The following EXOC2 variants were observed in gnomAD, a reference collection of about 807,000 sequenced individuals.
The protein encoded by EXOC2 is SEC5-like 1.
Under a neutral mutation model 131.8 loss-of-function variants are expected in EXOC2, and 70 were observed. That is an observed-to-expected ratio of 0.53 (90% confidence interval 0.44 to 0.65). The LOEUF (loss-of-function observed/expected upper bound fraction) is 0.65, where lower values mean the gene tolerates loss of function less well. Ranked by LOEUF, EXOC2 falls within the 30% of genes least tolerant of loss-of-function variation. The pLI is 0.00. For synonymous variants in EXOC2, 411 were observed against 398.4 expected (o/e 1.03, Z -0.38); for missense variants, 923 against 1,108.6 (o/e 0.83, Z 2.38).
chr6:553,747 C>A, intron 21 of EXOC2, 107 bp downstream of exon 21: 1 of 853,162 alleles, frequency 1.2e-6, no homozygotes, highest in Non-Finnish European at 2.0e-6. Flanking sequence ...GCACAGTGTC[C>A]TATACCACGT....
At chr6:652,350 T>C (rs1420883879) in intron 1 of EXOC2, among the ~76,000 whole-genome samples, 2 of 152,230 alleles carry the variant, frequency 1.3e-5, no homozygotes, top group Admixed American at 1.3e-4. Context: ...CCAATGTTTG[T>C]GTGTTCTTTC....
At chr6:629,788 T>C in intron 4 of EXOC2, 47 bp downstream of exon 4, 1 of 1,603,366 alleles carries the variant, frequency 6.2e-7, no homozygotes, top group East Asian at 2.2e-5. Context: ...TATAAAACTT[T>C]TCAGGAACTG....
chr6:612,128 G>A (rs374411445), intron 6 of EXOC2, among the ~76,000 whole-genome samples: 12 of 152,352 alleles, frequency 7.9e-5, no homozygotes, highest in African/African-American at 2.6e-4. Flanking sequence ...GTTAATGCTA[G>A]CCTGTGTGAG....
chr6:666,214 C>T (rs564431649), intron 1 of EXOC2, among the ~76,000 whole-genome samples: 9 of 152,218 alleles, frequency 5.9e-5, no homozygotes, highest in Non-Finnish European at 1.2e-4. Flanking sequence ...TTAGCTGTAA[C>T]TCCTTAATTT....
At chr6:540,512 A>G (rs1296550895) in intron 22 of EXOC2, among the ~76,000 whole-genome samples, 2 of 152,258 alleles carry the variant, frequency 1.3e-5, no homozygotes, top group Non-Finnish European at 2.9e-5. Flanking sequence ...GAGAAGAAAC[A>G]CAACTGAAAT....
At chr6:624,932 A>G (rs1272758591) in intron 4 of EXOC2, among the ~76,000 whole-genome samples, 1 of 152,216 alleles carries the variant, frequency 6.6e-6, no homozygotes, top group Non-Finnish European at 1.5e-5. Context: ...CTTCAAACCA[A>G]GCCTGCATTT....
At chr6:505,775 T>C (rs185040432) in intron 23 of EXOC2, among the ~76,000 whole-genome samples, 2 of 152,316 alleles carry the variant, frequency 1.3e-5, no homozygotes, top group East Asian at 3.9e-4. Context: ...CTTCTCATCA[T>C]AGCCTCAGCT....
chr6:681,146 C>T (rs1764386389), intron 1 of EXOC2, among the ~76,000 whole-genome samples: 1 of 152,204 alleles, frequency 6.6e-6, no homozygotes, highest in South Asian at 2.1e-4. Flanking sequence ...ACTGCCAAAA[C>T]CACTATAAAA....
chr6:564,962 T>C (rs1438662251), intron 13 of EXOC2, 33 bp from the exon 14 acceptor site: 1 of 1,517,584 alleles, frequency 6.6e-7, no homozygotes, highest in East Asian at 2.5e-5. Flanking sequence ...TAAAACATAT[T>C]AGAAATAATT....
intron 6 of EXOC2, among the ~76,000 whole-genome samples, chr6:616,618 A>AAAAAAC: frequency 6.6e-6 from 1 of 150,630 alleles, no homozygotes; most frequent in Non-Finnish European, 1.5e-5. Context: ...AAAAAAAAAA[A>AAAAAAC]AAAAACTAAC....
At chr6:625,355 A>G (rs556192345) in intron 4 of EXOC2, among the ~76,000 whole-genome samples, 3 of 152,348 alleles carry the variant, frequency 2.0e-5, no homozygotes, top group East Asian at 3.9e-4. Flanking sequence ...AAGAGAACAC[A>G]CTTTCTTGAT....
At chr6:538,456 C>T (rs1166162642) in intron 22 of EXOC2, among the ~76,000 whole-genome samples, 1 of 152,088 alleles carries the variant, frequency 6.6e-6, no homozygotes, top group Admixed American at 6.5e-5. Context: ...AACATCCTGA[C>T]ACTAAGGAAA....
At chr6:546,873 T>A (rs992226438) in intron 22 of EXOC2, among the ~76,000 whole-genome samples, 2 of 152,228 alleles carry the variant, frequency 1.3e-5, no homozygotes, top group African/African-American at 4.8e-5. Flanking sequence ...ACACTTAGAT[T>A]TTCGACTGCA....
At chr6:677,102 T>C (rs190175331) in intron 1 of EXOC2, among the ~76,000 whole-genome samples, 13 of 55,538 alleles carry the variant, frequency 2.3e-4, no homozygotes, top group South Asian at 6.9e-4. Context: ...AGGACAGCTT[T>C]CTCTGGAGAC....
At chr6:659,288 T>C (rs1421423472) in intron 1 of EXOC2, among the ~76,000 whole-genome samples, 1 of 152,220 alleles carries the variant, frequency 6.6e-6, no homozygotes, top group Non-Finnish European at 1.5e-5. Context: ...GTCTTATTTG[T>C]AACTAATGAC....
intron 23 of EXOC2, among the ~76,000 whole-genome samples, chr6:526,432 A>ATTT (rs70985804): frequency 6.6e-4 from 50 of 76,012 alleles, no homozygotes; most frequent in African/African-American, 1.9e-3. Context: ...TTCTTTGTGG[A>ATTT]TTTTTTTTTT....
At chr6:552,885 C>A (rs1304403867) in intron 21 of EXOC2, among the ~76,000 whole-genome samples, 1 of 152,064 alleles carries the variant, frequency 6.6e-6, no homozygotes, top group Non-Finnish European at 1.5e-5. Flanking sequence ...CACACCCCCC[C>A]TTCAAACTCA....
At chr6:486,787 T>C (rs1358536665) in intron 27 of EXOC2, 23 bp from the exon 28 acceptor site, 1 of 1,600,170 alleles carries the variant, frequency 6.2e-7, no homozygotes, top group Non-Finnish European at 8.6e-7. Context: ...GACACTTGTT[T>C]TACAGCCCGA....
In EXOC2 at chr6:622,624, G is replaced by T. The variant is rs565055661; in HGVS notation, c.423-3081C>A. On this transcript the variant is annotated intron_variant, in intron 4 of 27. Transcript: ENST00000230449. ...AGCAGCTGCATGCCCTGGAGAAACG[G>T]CTAAGAACACACAGTCCCCATGGGT... Among the ~76,000 whole-genome samples the T allele has an allele frequency of 5.9e-5, 9 of 152,274 alleles. No homozygotes were observed. In the South Asian group the frequency reaches 1.5e-3, roughly 25 times the overall value.
Sources: gnomAD v4.1 joint callset for allele counts (sites outside exome capture counted in the v4.1 genomes callset) on GRCh38, gnomAD v4.1.1 for gene constraint, MANE v1.5 for transcripts, NCBI Gene and HGNC (gene_info 2026-07-23, HGNC 2026-07-21) for gene names.